The following BAP1 variants were observed in gnomAD, a reference collection of about 807,000 sequenced individuals.
The protein encoded by BAP1 is ubiquitin carboxyl-terminal hydrolase BAP1.
BAP1 carries 16 observed loss-of-function variants against 77.2 expected under a neutral mutation model. The ratio of observed to expected loss-of-function variants is 0.21; its 90% CI spans 0.14 to 0.31. The LOEUF is 0.31. Ranked by LOEUF, BAP1 falls within the 10% of genes least tolerant of loss-of-function variation. BAP1 has a pLI of 1.00. For synonymous variants in BAP1, 362 were observed against 385.2 expected, an observed-to-expected ratio of 0.94 and a Z score of 0.71; for missense variants, 699 against 967.3, an observed-to-expected ratio of 0.72 and a Z score of 3.68.
At position 52,409,747 on chromosome 3, in the gene BAP1, G is replaced by A. The variant is rs2153228640; in HGVS notation, c.38-4C>T. ...TCCACGAGCAGGGTGAAGAGGCCTG[G>A]GTGGGGCGACAAGAGGAGGGGGTGA... is the stretch of plus-strand genomic sequence containing the variant. On this transcript the variant is annotated splice_polypyrimidine_tract_variant and splice_region_variant and intron_variant, in intron 1 of 16. Transcript: ENST00000460680. 6.2e-7 allele frequency: 1 copy of A among 1,613,946 alleles called. No homozygotes were observed. Among genetic ancestry groups the A allele is most frequent in the East Asian group, 2.2e-5 (1 of 44,884 alleles).
Position 52,403,724 on chromosome 3 carries a change from G to A in BAP1, c.1421C>T (p.Pro474Leu), listed in dbSNP as rs770422186. The A allele has an allele frequency of 2.8e-5, 45 of 1,613,892 alleles. No individual in the cohort carries two copies. Among genetic ancestry groups the A allele is most frequent in the East Asian group, 6.7e-5 (3 of 44,896 alleles). ...SIKTSSGAGS[P>L]AVAVPTHSQP... ...CGAGTGTGTGGGCACTGCCACAGCC[G>A]GACTCCCAGCCCCGCTGCTAGTCTT... The change falls in exon 13 of 17, where the codon CCG (proline) becomes CTG (leucine). Residue 474 changes from proline to leucine, a missense_variant. Coordinates refer to ENST00000460680, the MANE Select transcript of BAP1 (RefSeq NM_004656.4). The surrounding 1 kb of genome is among the most constrained non-coding windows in gnomAD (Gnocchi z 4.0).
In BAP1 at chr3:52,406,733, T is replaced by A. The variant is rs758078721; in HGVS notation, c.659+96A>T. 425 of 1,348,842 alleles carry A rather than the reference T, an allele frequency of 3.2e-4. No individual in the cohort carries two copies. Among genetic ancestry groups the A allele is most frequent in the Non-Finnish European group, 4.2e-4 (404 of 964,538 alleles). The allele number at this position is 1,348,842 out of a possible 1,614,324, so 83.6% of individuals were successfully genotyped here. A position where few individuals can be genotyped will look rare whatever the true frequency, so the allele number is the denominator to read the frequency against. On this transcript the variant is annotated intron_variant, in intron 8 of 16. Transcript: ENST00000460680. The surrounding 1 kb of genome is among the most constrained non-coding windows in gnomAD (Gnocchi z 4.6). The stretch of plus-strand genomic sequence containing the variant: ...GCCTGATCTTGCCAGATTCACCATA[T>A]GGCCTTGCAATTTACAAATCACCTG...
Position 52,407,271 on chromosome 3 carries a change from T to C in BAP1, c.483A>G (p.Ala161=), listed in dbSNP as rs1578226473. The C allele has an allele frequency of 3.1e-6, 5 of 1,614,156 alleles. No homozygotes were observed. The highest frequency in any genetic ancestry group is 1.7e-5 in the Admixed American group (1 of 60,018). Residue 161 remains alanine (A), a synonymous_variant, in exon 7 of 17, where the codon GCA becomes GCG. Transcript: ENST00000460680. ...AGTGGAACGCCTCCATGGTCCGCAC[T>C]GCACTAAGGCCATTCTGCTTCTCAG... ...HLPEKQNGLS[A]VRTMEAFHFV...
At position 52,409,508 on chromosome 3, in the gene BAP1, C is replaced by T. The variant is rs371580819; in HGVS notation, c.122+46G>A. On this transcript the variant is annotated intron_variant, in intron 3 of 16. Transcript: ENST00000460680. Reference sequence around the variant, plus strand: ...GGGGCCCTGTTCTCTGGGACCTTCCCCAGCACTCTGGGTGTAAGGGGCAGC... The same window carrying T: ...GGGGCCCTGTTCTCTGGGACCTTCCTCAGCACTCTGGGTGTAAGGGGCAGC... The T allele has an allele frequency of 1.9e-6, 3 of 1,612,632 alleles. No individual in the cohort carries two copies. In the Admixed American group the frequency reaches 5.0e-5, roughly 27 times the overall value.
intron 5 of BAP1, 90 bp from the exon 6 acceptor site, chr3:52,407,550 G>T: frequency 1.9e-6 from 3 of 1,550,222 alleles, no homozygotes; most frequent in Non-Finnish European, 2.7e-6. Context: ...GCAGCCTGGA[G>T]GCATTCCAGG....
In BAP1 at chr3:52,409,599, C is replaced by G. The variant is rs2153228549; in HGVS notation, c.77G>C (p.Gly26Ala). Residue 26 changes from glycine (G) to alanine (A), a missense_variant, in exon 3 of 17, where the codon GGG becomes GCG. Physicochemically the swap from Gly to Ala is moderately conservative, Grantham distance 60 (BLOSUM62 0). This residue lies in a region of BAP1 where 160 missense variants were observed against 322.8 expected (regional missense o/e 0.50). Transcript: ENST00000460680. ...GTCGTAGATCTCCTCCACTTGCACC[C>G]CCTTGACACCTGCGATGAGGAAAGG... The part of the protein sequence containing the change: ...TLLVEDFGVK[G>A]VQVEEIYDLQ... 6.2e-7 allele frequency: 1 copy of G among 1,614,222 alleles called. No homozygotes were observed. Among genetic ancestry groups the G allele is most frequent in the South Asian group, 1.1e-5 (1 of 91,092 alleles).
chr3:52,405,932 C>T lies in BAP1; in HGVS notation c.784-20G>A, dbSNP rs765854490. The T allele has an allele frequency of 6.8e-6, 11 of 1,613,648 alleles. No individual in the cohort carries two copies. Among genetic ancestry groups the T allele is most frequent in the African/African-American group, 1.3e-5 (1 of 74,914 alleles). Reference sequence around the variant, plus strand: ...TATCAGCTAACAACAGAATCCAGGGCTCAGAGGAGAAAGGGTAGACCCGGG... The same window carrying T: ...TATCAGCTAACAACAGAATCCAGGGTTCAGAGGAGAAAGGGTAGACCCGGG... On this transcript the variant is annotated intron_variant, in intron 9 of 16. Coordinates refer to ENST00000460680, the MANE Select transcript of BAP1 (RefSeq NM_004656.4).
In BAP1 at chr3:52,406,857, T is replaced by G; in HGVS notation, c.631A>C (p.Met211Leu). Residue 211 changes from methionine (M) to leucine (L), a missense_variant, in exon 8 of 17, where the codon ATG becomes CTG. By Grantham distance (15) the Met-to-Leu change is conservative. Around this residue, in one of 3 missense-constraint regions of BAP1, gnomAD observed 160 missense variants for 322.8 expected, o/e 0.50. Transcript: ENST00000460680. The surrounding 1 kb of genome is among the most constrained non-coding windows in gnomAD (Gnocchi z 4.6). ...GCAGTGGCGAGGCCGATACGCTCCA[T>G]GATGACCCGCCGGGCCTTGTCTGTC... ...EWTDKARRVI[M>L]ERIGLATAGE... is the part of the protein sequence containing the mutation. 1 of 1,563,548 alleles carries G rather than the reference T, an allele frequency of 6.4e-7. No homozygotes were observed. Among genetic ancestry groups the G allele is most frequent in the African/African-American group, 1.4e-5 (1 of 73,746 alleles).
rs779960548 is a variant in BAP1 at position 52,408,510 on chromosome 3, A to G, written c.219T>C (p.Asp73=). 1 of 1,612,366 alleles carries G rather than the reference A, an allele frequency of 6.2e-7. No individual in the cohort carries two copies. The highest frequency in any genetic ancestry group is 8.5e-7 in the Non-Finnish European group (1 of 1,179,320). Residue 73 remains aspartate (D), a synonymous_variant, in exon 4 of 17, where the codon GAT becomes GAC. Transcript: ENST00000460680. ...AGAACATGTTATTCACAATATCATC[A>G]TCAATCACGGACGTATCATCCACCA... ...STLVDDTSVI[D]DDIVNNMFFA...
rs760549813 is a variant in BAP1, at chr3:52,404,533, T to G, written c.1170A>C (p.Pro390=). ...CCTCATCATCTGAGTACTGCTGGGG[T>G]GGGCGGACTGGAACTCGGCTGCGGC... is the stretch of plus-strand genomic sequence containing the variant. ...GVGRSRVPVR[P]PQQYSDDEDD... is the part of the protein sequence containing the mutation. The change falls in exon 12 of 17, where the codon CCA becomes CCC. Residue 390 remains proline, a synonymous_variant. Transcript: ENST00000460680. 5.0e-6 allele frequency: 8 copies of G among 1,614,068 alleles called. No homozygotes were observed. The highest frequency in any genetic ancestry group is 5.9e-6 in the Non-Finnish European group (7 of 1,180,022).
At chr3:52,409,185 C>T (rs988989604) in intron 3 of BAP1, among the ~76,000 whole-genome samples, 1 of 152,252 alleles carries the variant, frequency 6.6e-6, no homozygotes, top group Admixed American at 6.5e-5. Flanking sequence ...CCAATCAATA[C>T]AGGATGACTT....
At chr3:52,407,859 C>A in intron 5 of BAP1, 99 bp downstream of exon 5, 1 of 1,552,530 alleles carries the variant, frequency 6.4e-7, no homozygotes, top group Non-Finnish European at 8.8e-7. Context: ...AAAGAAACAG[C>A]CTAATAGTAC....
In BAP1 at chr3:52,406,310, C is replaced by A. The variant is rs1578225132; in HGVS notation, c.726G>T (p.Glu242Asp). ...AVVPDRRIKY[E>D]ARLHVLKVNR... The stretch of plus-strand genomic sequence containing the variant: ...TCACCTTCAGCACATGCAGCCTGGC[C>A]TCATACTTGATCCTGCGGTCGGGCA... Residue 242 changes from glutamate to aspartate, a missense_variant, in exon 9 of 17, where the codon GAG (glutamate) becomes GAT (aspartate). Transcript: ENST00000460680. The surrounding 1 kb of genome is among the most constrained non-coding windows in gnomAD (Gnocchi z 4.6). 1 of 1,614,204 alleles carries A rather than the reference C, an allele frequency of 6.2e-7. No homozygotes were observed. The highest frequency in any genetic ancestry group is 8.5e-7 in the Non-Finnish European group (1 of 1,180,034).
At chr3:52,408,428 C>T (rs1705233308) in intron 4 of BAP1, 46 bp downstream of exon 4, 4 of 1,601,404 alleles carry the variant, frequency 2.5e-6, no homozygotes, top group Non-Finnish European at 2.6e-6. Context: ...CAAGCAAAAA[C>T]ATGGCAGCAT....
In BAP1 at chr3:52,408,009, C is replaced by T. The variant is rs751294311; in HGVS notation, c.324G>A (p.Leu108=). The change falls in exon 5 of 17, where the codon CTG becomes CTA. Residue 108 remains leucine (L), a synonymous_variant. Transcript: ENST00000460680. ...SVLLNCSSVD[L]GPTLSRMKDF... is the part of the protein sequence containing the mutation. ...CCTTCATGCGACTCAGGGTGGGTCC[C>T]AGGTCCACGCTGCTGCAGTTCAGGA... 1.9e-6 allele frequency: 3 copies of T among 1,613,896 alleles called. No homozygotes were observed. Among genetic ancestry groups the T allele is most frequent in the Non-Finnish European group, 2.5e-6 (3 of 1,179,972 alleles).
At chr3:52,405,492 GAAAAAAAAAAAAAA>G (rs71084182) in intron 10 of BAP1, 198 bp from the exon 11 acceptor site, 44 of 81,320 alleles carry the variant, frequency 5.4e-4, no homozygotes, top group East Asian at 1.9e-3. Flanking sequence ...GAAGCAGGAA[GAAAAAAAAAAAAAA>G]AAAAAAAAAA....
In BAP1 at chr3:52,407,243, C is replaced by CA. The variant is rs1553645809; in HGVS notation, c.510dup (p.Val171CysfsTer12). 2 of 1,614,170 alleles carry CA rather than the reference C, an allele frequency of 1.2e-6. No individual in the cohort carries two copies. Among genetic ancestry groups the CA allele is most frequent in the Non-Finnish European group, 1.7e-6 (2 of 1,180,024 alleles). On this transcript the variant is annotated frameshift_variant, in exon 7 of 17. Transcript: ENST00000460680. LOFTEE classifies it high-confidence loss of function. ...CGGCCTGTGATAGGCACATAGCTGACAAAGTGGAACGCCTCCATGGTCCGC... is the reference window on the plus strand; with the variant it reads ...CGGCCTGTGATAGGCACATAGCTGACAAAAGTGGAACGCCTCCATGGTCCGC...
intron 12 of BAP1, 52 bp downstream of exon 12, chr3:52,404,401 G>A (rs1578221951): frequency 6.2e-7 from 1 of 1,613,546 alleles, no homozygotes; most frequent in Non-Finnish European, 8.5e-7. Flanking sequence ...GAGATATTCA[G>A]GATGGGATCC....
Position 52,402,506 on chromosome 3 carries a change from G to C in BAP1, c.2057-85C>G, listed in dbSNP as rs1704993494. On this transcript the variant is annotated intron_variant, in intron 16 of 16. Coordinates refer to ENST00000460680, the MANE Select transcript of BAP1 (RefSeq NM_004656.4). The surrounding 1 kb of genome is among the most constrained non-coding windows in gnomAD (Gnocchi z 5.3). ...TCTCATGGCCCTCCCTGTGCCCCAA[G>C]GTCTGCTCAAGCCTCAGGAGAGGCC... 1 of 1,606,848 alleles carries C rather than the reference G, an allele frequency of 6.2e-7. No individual in the cohort carries two copies. The highest frequency in any genetic ancestry group is 1.1e-5 in the South Asian group (1 of 90,252).
Sources: allele counts gnomAD v4.1 joint callset (sites outside exome capture counted in the v4.1 genomes callset), GRCh38; gene constraint gnomAD v4.1.1; regional missense constraint gnomAD v4.1.1; non-coding constraint Gnocchi (gnomAD v3.1); transcripts MANE v1.5; gene names NCBI Gene and HGNC (gene_info 2026-07-23, HGNC 2026-07-21).